KCNQ1OT1: variants seen among roughly 807,000 people sequenced by gnomAD.
KCNQ1OT1 encodes KCNQ1 antisense RNA 2 (non-protein coding).
chr11:2,625,318 A>G (rs1849245369), exon 1 of KCNQ1OT1: 1 of 398,594 alleles, frequency 2.5e-6, no homozygotes, highest in East Asian at 3.6e-5. Context: ...TGGCATGATC[A>G]TGGCACACTG....
chr11:2,664,249 G>T lies in KCNQ1OT1; in HGVS notation n.35746C>A, dbSNP rs1204832710. The T allele has an allele frequency of 2.5e-5, 10 of 398,960 alleles. No homozygotes were observed. The highest frequency in any genetic ancestry group is 1.2e-3 in the Middle Eastern group (2 of 1,612). 24.7% of individuals were successfully genotyped at this position (398,960 alleles called of 1,614,324 possible). A position where few individuals can be genotyped will look rare whatever the true frequency, so the allele number is the denominator to read the frequency against. On this transcript the variant is annotated non_coding_transcript_exon_variant, in exon 1 of 1. Transcript: ENST00000597346. This position sits in a 1 kb window ranked among gnomAD's most constrained non-coding sequence, Gnocchi z 5.1. ...GGGTGAGGGATCTGAAGAGGGGACT[G>T]GGAGAGGGAAAAACAAGGAGGTTGC...
At position 2,669,806 on chromosome 11, in the gene KCNQ1OT1, A is replaced by C; in HGVS notation, n.30189T>G. On this transcript the variant is annotated non_coding_transcript_exon_variant, in exon 1 of 1. Transcript: ENST00000597346. The surrounding 1 kb of genome is among the most constrained non-coding windows in gnomAD (Gnocchi z 5.6). ...GGGGACATTCCTTATTTGGCCTGAGAGCTTTTGAGACTGCCAGGTCATGAG... is the reference window on the plus strand; with the variant it reads ...GGGGACATTCCTTATTTGGCCTGAGCGCTTTTGAGACTGCCAGGTCATGAG... The C allele has an allele frequency of 2.5e-6, 1 of 398,546 alleles. No individual in the cohort carries two copies. Among genetic ancestry groups the C allele is most frequent in the East Asian group, 3.6e-5 (1 of 28,072 alleles). The allele number at this position is 398,546 out of a possible 1,614,324, so 24.7% of individuals were successfully genotyped here.
At position 2,698,813 on chromosome 11, in the gene KCNQ1OT1, C is replaced by G; in HGVS notation, n.1182G>C. 2.5e-6 allele frequency: 1 copy of G among 398,804 alleles called. No individual in the cohort carries two copies. The highest frequency in any genetic ancestry group is 3.6e-5 in the East Asian group (1 of 28,062). 24.7% of individuals were successfully genotyped at this position (398,804 alleles called of 1,614,324 possible). A position where few individuals can be genotyped will look rare whatever the true frequency, so the allele number is the denominator to read the frequency against. ...CCAACTCAGACTCCCGATCCTCTGT[C>G]CCTAATGAGGCCCTACCTAAAACCA... is the stretch of plus-strand genomic sequence containing the variant. On this transcript the variant is annotated non_coding_transcript_exon_variant, in exon 1 of 1. Transcript: ENST00000597346. The surrounding 1 kb of genome is among the most constrained non-coding windows in gnomAD (Gnocchi z 5.1).
In KCNQ1OT1 at chr11:2,613,304, C is replaced by T. The variant is rs910621852; in HGVS notation, n.86691G>A. The T allele has an allele frequency of 2.5e-5, 10 of 398,422 alleles. No homozygotes were observed. The highest frequency in any genetic ancestry group is 2.1e-4 in the African/African-American group (10 of 48,610). The allele number at this position is 398,422 out of a possible 1,614,324, so 24.7% of individuals were successfully genotyped here. A position where few individuals can be genotyped will look rare whatever the true frequency, so the allele number is the denominator to read the frequency against. ...CAAGCATGTACAACTTCCATATCTC[C>T]AGAATTCCTTTTAAAATTTTTCTTA... On this transcript the variant is annotated non_coding_transcript_exon_variant, in exon 1 of 1. Coordinates refer to ENST00000597346, the Ensembl canonical transcript of KCNQ1OT1. The surrounding 1 kb of genome is among the most constrained non-coding windows in gnomAD (Gnocchi z 4.8).
At chr11:2,622,337 G>T (rs1205192140) in exon 1 of KCNQ1OT1, 1 of 397,986 alleles carries the variant, frequency 2.5e-6, no homozygotes. Flanking sequence ...TTAAATTCAA[G>T]TTTATTTCTT....
rs545908475 is a variant in KCNQ1OT1 at position 2,691,743 on chromosome 11, G to A, written n.8252C>T. ...CCCACAGGGAGCCACACAGGCAGGG[G>A]ACATTCCACTAGGGCCATTTGCAGG... On this transcript the variant is annotated non_coding_transcript_exon_variant, in exon 1 of 1. Transcript: ENST00000597346. The surrounding 1 kb of genome is among the most constrained non-coding windows in gnomAD (Gnocchi z 6.4). 6.8e-5 allele frequency: 27 copies of A among 398,658 alleles called. No individual in the cohort carries two copies. Among genetic ancestry groups the A allele is most frequent in the Non-Finnish European group, 1.1e-4 (25 of 226,142 alleles). 24.7% of individuals were successfully genotyped at this position (398,658 alleles called of 1,614,324 possible).
exon 1 of KCNQ1OT1, chr11:2,622,678 C>A (rs1849194305): frequency 2.5e-6 from 1 of 398,350 alleles, no homozygotes; most frequent in Non-Finnish European, 4.4e-6. Flanking sequence ...CATTATGATT[C>A]TCTATTCGAT....
exon 1 of KCNQ1OT1, chr11:2,655,513 A>G (rs1849830004): frequency 5.0e-6 from 2 of 398,670 alleles, no homozygotes; most frequent in South Asian, 1.3e-4. Flanking sequence ...TGCCCTTTCA[A>G]GTACACCATG....
At chr11:2,609,040 A>G (rs1429020277) in exon 1 of KCNQ1OT1, 1 of 397,782 alleles carries the variant, frequency 2.5e-6, no homozygotes, top group East Asian at 3.6e-5. Context: ...TTCTACTCTA[A>G]TATTTATTAT....
Position 2,664,374 on chromosome 11 carries a change from C to T in KCNQ1OT1, n.35621G>A, listed in dbSNP as rs960595412. Reference sequence around the variant, plus strand: ...TCCTGCATCCTCAGAAGTCAGGGTACGGTCCCTCCAGAGAGGCCTGAAGGG... The same window carrying T: ...TCCTGCATCCTCAGAAGTCAGGGTATGGTCCCTCCAGAGAGGCCTGAAGGG... On this transcript the variant is annotated non_coding_transcript_exon_variant, in exon 1 of 1. Transcript: ENST00000597346. The surrounding 1 kb of genome is among the most constrained non-coding windows in gnomAD (Gnocchi z 5.1). 9 of 398,848 alleles carry T rather than the reference C, an allele frequency of 2.3e-5. No homozygotes were observed. Among genetic ancestry groups the T allele is most frequent in the East Asian group, 1.1e-4 (3 of 28,094 alleles). 24.7% of individuals were successfully genotyped at this position (398,848 alleles called of 1,614,324 possible).
exon 1 of KCNQ1OT1, chr11:2,685,353 G>A (rs1850467908): frequency 2.5e-6 from 1 of 398,550 alleles, no homozygotes; most frequent in African/African-American, 2.1e-5. Flanking sequence ...AGGGTACATG[G>A]GCAGGTACCA....
exon 1 of KCNQ1OT1, chr11:2,633,992 G>A (rs1485646904): frequency 2.3e-5 from 9 of 398,410 alleles, no homozygotes; most frequent in East Asian, 7.1e-5. Flanking sequence ...TTGAAGAGTC[G>A]ACTGTATTTT....
At chr11:2,693,829 G>A (rs758504840) in exon 1 of KCNQ1OT1, 8 of 398,792 alleles carry the variant, frequency 2.0e-5, no homozygotes, top group Non-Finnish European at 3.5e-5. Flanking sequence ...GGAAGGAAAG[G>A]CAGTATTAGA....
chr11:2,621,063 C>T lies in KCNQ1OT1; in HGVS notation n.78932G>A, dbSNP rs1331912542. 5 of 396,822 alleles carry T rather than the reference C, an allele frequency of 1.3e-5. No individual in the cohort carries two copies. The highest frequency in any genetic ancestry group is 2.1e-5 in the African/African-American group (1 of 48,518). 24.6% of individuals were successfully genotyped at this position (396,822 alleles called of 1,614,324 possible). Reference sequence around the variant, plus strand: ...CGCAATCTCGGCTCACTGCAACCTCCACCTCCTGGGTTCAAGCAATTCTCC... The same window carrying T: ...CGCAATCTCGGCTCACTGCAACCTCTACCTCCTGGGTTCAAGCAATTCTCC... On this transcript the variant is annotated non_coding_transcript_exon_variant, in exon 1 of 1. Transcript: ENST00000597346. This position sits in a 1 kb window ranked among gnomAD's most constrained non-coding sequence, Gnocchi z 5.7.
Position 2,642,254 on chromosome 11 carries a change from G to T in KCNQ1OT1, n.57741C>A. On this transcript the variant is annotated non_coding_transcript_exon_variant, in exon 1 of 1. Transcript: ENST00000597346. The surrounding 1 kb of genome is among the most constrained non-coding windows in gnomAD (Gnocchi z 4.3). ...GTTAATTCTCCCAATCCATGAGAATGGGATGTTTTTTGTGTGTTCTTTTCA... is the reference window on the plus strand; with the variant it reads ...GTTAATTCTCCCAATCCATGAGAATTGGATGTTTTTTGTGTGTTCTTTTCA... 2.5e-6 allele frequency: 1 copy of T among 398,334 alleles called. No homozygotes were observed. The allele number at this position is 398,334 out of a possible 1,614,324, so 24.7% of individuals were successfully genotyped here.
In KCNQ1OT1 at chr11:2,658,622, C is replaced by T. The variant is rs746232749; in HGVS notation, n.41373G>A. The T allele has an allele frequency of 7.0e-5, 28 of 398,334 alleles. No individual in the cohort carries two copies. The highest frequency in any genetic ancestry group is 1.3e-4 in the Admixed American group (3 of 22,704). 24.7% of individuals were successfully genotyped at this position (398,334 alleles called of 1,614,324 possible). ...TGAATAGAAAACCTGGATCTAGGCA[C>T]GGGGTATGCTCGTGGCTACTAGGGT... On this transcript the variant is annotated non_coding_transcript_exon_variant, in exon 1 of 1. Coordinates refer to ENST00000597346, the Ensembl canonical transcript of KCNQ1OT1. The surrounding 1 kb of genome is among the most constrained non-coding windows in gnomAD (Gnocchi z 4.9).
In KCNQ1OT1 at chr11:2,617,808, ATG is replaced by A. The variant is rs775542688; in HGVS notation, n.82185_82186del. 4.5e-5 allele frequency: 18 copies of A among 398,380 alleles called. No individual in the cohort carries two copies. Among genetic ancestry groups the A allele is most frequent in the Non-Finnish European group, 6.6e-5 (15 of 225,996 alleles). 24.7% of individuals were successfully genotyped at this position (398,380 alleles called of 1,614,324 possible). ...AGTGATGTTAAATGTCTTTTCATAT[ATG>A]TGTTTGCCATTTTTATAACTTCTTT... On this transcript the variant is annotated non_coding_transcript_exon_variant, in exon 1 of 1. Coordinates refer to ENST00000597346, the Ensembl canonical transcript of KCNQ1OT1. The surrounding 1 kb of genome is among the most constrained non-coding windows in gnomAD (Gnocchi z 4.6).
chr11:2,667,975 C>T (rs1590019675), exon 1 of KCNQ1OT1: 1 of 398,560 alleles, frequency 2.5e-6, no homozygotes, highest in African/African-American at 2.1e-5. Context: ...CTCAGGCTCC[C>T]ATTTCCTGTC....
At chr11:2,644,286 A>G (rs1171067935) in exon 1 of KCNQ1OT1, 1 of 398,088 alleles carries the variant, frequency 2.5e-6, no homozygotes, top group Non-Finnish European at 4.4e-6. Flanking sequence ...TATTTTTTCT[A>G]TATTTTTGTC....
Sources: allele counts gnomAD v4.1 joint callset, GRCh38; gene constraint gnomAD v4.1.1; non-coding constraint Gnocchi (gnomAD v3.1); transcripts MANE v1.5; gene names NCBI Gene and HGNC (gene_info 2026-07-23, HGNC 2026-07-21).